The following ENDOV variants were observed in gnomAD, a reference collection of about 807,000 sequenced individuals.
ENDOV encodes the protein endonuclease V, also known as hEndoV.
A neutral mutation model predicts 39.4 loss-of-function variants in ENDOV; 37 were observed. The ratio of observed to expected loss-of-function variants is 0.94; its 90% CI spans 0.72 to 1.23. The LOEUF (loss-of-function observed/expected upper bound fraction) is 1.23, where lower values mean the gene tolerates loss of function less well. ENDOV is among the 50% of genes most tolerant of loss of function. The probability of loss-of-function intolerance (pLI) is 0.00; values close to 1 mark genes in which losing one functional copy is unlikely to be tolerated. For missense variants in ENDOV, 441 were observed against 375.7 expected (o/e 1.17, Z -1.44); for synonymous variants, 186 against 163.4 (o/e 1.14, Z -1.05).
At chr17:80,431,378 C>T (rs1159846217) in intron 9 of ENDOV, among the ~76,000 whole-genome samples, 1 of 152,190 alleles carries the variant, frequency 6.6e-6, no homozygotes, top group African/African-American at 2.4e-5. Context: ...TGTGTAGCTG[C>T]CCTTCCTTGA....
chr17:80,420,641 TAGAC>T (rs2081882318), intron 2 of ENDOV: 1 of 152,160 alleles, frequency 6.6e-6, no homozygotes, highest in African/African-American at 2.4e-5. Context: ...TGCAGGAAGG[TAGAC>T]AGGTCTGCAG....
intron 7 of ENDOV, 23 bp downstream of exon 7, chr17:80,425,643 G>T: frequency 6.4e-7 from 1 of 1,560,148 alleles, no homozygotes. Context: ...GGGATGCGGG[G>T]AGGCAGCACA....
At chr17:80,416,105 C>CCTGT (rs2081112285) in intron 2 of ENDOV, 2 of 304,752 alleles carry the variant, frequency 6.6e-6, no homozygotes, top group African/African-American at 2.3e-5. Flanking sequence ...GGTGTGGTGG[C>CCTGT]ATATACCTGT....
intron 7 of ENDOV, 104 bp from the exon 8 acceptor site, chr17:80,428,492 G>C (rs183491283): frequency 1.8e-6 from 2 of 1,127,686 alleles, no homozygotes; most frequent in African/African-American, 1.5e-5. Flanking sequence ...TGTGTGTCCT[G>C]AGTGGGCTTC....
At position 80,428,645 on chromosome 17, in the gene ENDOV, G is replaced by T; in HGVS notation, c.764G>T (p.Gly255Val). Residue 255 changes from glycine to valine, a missense_variant, in exon 8 of 10, where the codon GGG (glycine) becomes GTG (valine). Physicochemically the swap from Gly to Val is moderately radical, Grantham distance 109 (BLOSUM62 -3). Transcript: ENST00000518137. ...EHIRKSLGLPGPPTPRSPKAQ... is the reference protein window; with the variant it reads ...EHIRKSLGLPVPPTPRSPKAQ... Reference sequence around the variant, plus strand: ...ATCCGCAAGTCGCTGGGACTCCCCGGGCCACCCACACCGAGGTGAGCACCC... The same window carrying T: ...ATCCGCAAGTCGCTGGGACTCCCCGTGCCACCCACACCGAGGTGAGCACCC... 1 of 1,582,802 alleles carries T rather than the reference G, an allele frequency of 6.3e-7. No homozygotes were observed. The highest frequency in any genetic ancestry group is 8.6e-7 in the Non-Finnish European group (1 of 1,164,964).
At position 80,421,813 on chromosome 17, in the gene ENDOV, C is replaced by CGTG; in HGVS notation, c.229-14_229-12dup. On this transcript the variant is annotated splice_polypyrimidine_tract_variant and intron_variant, in intron 2 of 9. Transcript: ENST00000518137. ...GAAGGCTGTGCTTCCCACTGAGCTG[C>CGTG]GTGCCTGGTGTCAGGTGGTGTATGA... 1 of 1,587,342 alleles carries CGTG rather than the reference C, an allele frequency of 6.3e-7. No individual in the cohort carries two copies. Among genetic ancestry groups the CGTG allele is most frequent in the Non-Finnish European group, 8.6e-7 (1 of 1,167,642 alleles).
intron 2 of ENDOV, chr17:80,419,460 G>C (rs774083796): frequency 4.7e-6 from 3 of 638,914 alleles, no homozygotes; most frequent in African/African-American, 1.8e-5. Flanking sequence ...GATGCTGAGC[G>C]ATGGCTGGTG....
Position 80,428,670 on chromosome 17 carries a change from C to G in ENDOV, c.779+10C>G. The G allele has an allele frequency of 2.5e-6, 4 of 1,572,008 alleles. No homozygotes were observed. Among genetic ancestry groups the G allele is most frequent in the Non-Finnish European group, 3.5e-6 (4 of 1,159,016 alleles). ...GGCCACCCACACCGAGGTGAGCACC[C>G]AGGGAGGCTGGGGCACTAAAGGGGC... On this transcript the variant is annotated intron_variant, in intron 8 of 9. Coordinates refer to ENST00000518137, the MANE Select transcript of ENDOV (RefSeq NM_173627.5).
intron 9 of ENDOV, chr17:80,430,438 G>A: frequency 7.3e-7 from 1 of 1,373,300 alleles, no homozygotes; most frequent in Non-Finnish European, 9.7e-7. Context: ...TGCAAAATCA[G>A]GGTTCATTTT....
Position 80,436,489 on chromosome 17 carries a change from C to A in ENDOV, c.*346C>A. Reference sequence around the variant, plus strand: ...TAAGTGTTTTTATCCTTAAAGGGTACTGGATTTTGTCAAATGCTTTTCTGG... The same window carrying A: ...TAAGTGTTTTTATCCTTAAAGGGTAATGGATTTTGTCAAATGCTTTTCTGG... On this transcript the variant is annotated 3_prime_UTR_variant, in exon 10 of 10. Transcript: ENST00000518137. 2 of 706,316 alleles carry A rather than the reference C, an allele frequency of 2.8e-6. No individual in the cohort carries two copies. Among genetic ancestry groups the A allele is most frequent in the Non-Finnish European group, 4.0e-6 (2 of 499,278 alleles). 43.8% of individuals were successfully genotyped at this position (706,316 alleles called of 1,614,324 possible).
chr17:80,423,246 C>T (rs1015471717), intron 4 of ENDOV, among the ~76,000 whole-genome samples: 4 of 152,244 alleles, frequency 2.6e-5, no homozygotes, highest in African/African-American at 4.8e-5. Flanking sequence ...GACCGGAGAG[C>T]TGCAGTATCC....
At chr17:80,422,453 A>C (rs2082175420) in intron 4 of ENDOV, among the ~76,000 whole-genome samples, 1 of 151,910 alleles carries the variant, frequency 6.6e-6, no homozygotes. Context: ...CTTTCGCTTC[A>C]CCCCTTACCT....
chr17:80,425,658 CCT>C (rs764671092), intron 7 of ENDOV, 38 bp downstream of exon 7: 1 of 1,543,664 alleles, frequency 6.5e-7, no homozygotes, highest in South Asian at 1.2e-5. Flanking sequence ...AGCACAGGCT[CCT>C]CTGCTTCCTG....
chr17:80,427,454 A>T, intron 7 of ENDOV: 1 of 985,446 alleles, frequency 1.0e-6, no homozygotes, highest in South Asian at 4.7e-5. Flanking sequence ...CTAGAAATAG[A>T]GCAAGGATCT....
intron 3 of ENDOV, 72 bp from the exon 4 acceptor site, chr17:80,422,134 C>T: frequency 6.3e-7 from 1 of 1,599,542 alleles, no homozygotes; most frequent in Non-Finnish European, 8.5e-7. Flanking sequence ...CCCCTTCTTG[C>T]CTCAGGGATG....
intron 2 of ENDOV, chr17:80,416,301 G>C (rs1015837399): frequency 6.4e-6 from 1 of 156,944 alleles, no homozygotes; most frequent in African/African-American, 2.5e-5. Context: ...CAAAAATTAA[G>C]GGAATTCTGT....
intron 7 of ENDOV, among the ~76,000 whole-genome samples, chr17:80,427,097 TG>T (rs1161903236): frequency 1.3e-5 from 2 of 152,248 alleles, no homozygotes; most frequent in African/African-American, 4.8e-5. Context: ...GCCCTCGCCC[TG>T]GGGAGCTGTG....
chr17:80,428,750 A>C, intron 8 of ENDOV, 90 bp downstream of exon 8: 2 of 1,300,666 alleles, frequency 1.5e-6, no homozygotes, highest in East Asian at 5.0e-5. Context: ...TCCTTGTTGC[A>C]ATATTGTGGC....
rs765284188 is a variant in ENDOV at position 80,415,706 on chromosome 17, G to A, written c.113G>A (p.Arg38Gln). The A allele has an allele frequency of 2.5e-6, 4 of 1,611,230 alleles. No individual in the cohort carries two copies. In the Admixed American group the frequency reaches 5.0e-5, roughly 20 times the overall value. Reference protein sequence around the residue: ...VVDRDTEAWQRDPAFSGLQRV... With the variant: ...VVDRDTEAWQQDPAFSGLQRV... ...GACCGGGACACCGAGGCGTGGCAGC[G>A]AGACCCCGCCTTCTCGGGTCTGCAG... Residue 38 changes from arginine to glutamine, a missense_variant, in exon 2 of 10, where the codon CGA becomes CAA. Transcript: ENST00000518137.
Sources: allele counts gnomAD v4.1 joint callset (sites outside exome capture counted in the v4.1 genomes callset), GRCh38; gene constraint gnomAD v4.1.1; transcripts MANE v1.5; gene names NCBI Gene and HGNC (gene_info 2026-07-23, HGNC 2026-07-21).